RBFOX1: variants seen among roughly 807,000 people sequenced by gnomAD.
RBFOX1 encodes RNA binding fox-1 homolog 1.
RBFOX1 carries 8 observed loss-of-function variants against 57.7 expected under a neutral mutation model. That is an observed-to-expected ratio of 0.14 (90% CI 0.08 to 0.25). The LOEUF (loss-of-function observed/expected upper bound fraction) is 0.25. Ranked by LOEUF, RBFOX1 falls within the 10% of genes least tolerant of loss-of-function variation. The pLI, the probability that RBFOX1 is intolerant of heterozygous loss-of-function variation, is 1.00. For synonymous variants in RBFOX1, 326 were observed against 222.4 expected (o/e 1.47, Z -4.15); for missense variants, 611 against 548.5 (o/e 1.11, Z -1.14).
chr16:5,792,195 A>T (rs146163692), intron 3 of RBFOX1, among the ~76,000 whole-genome samples: 1 of 152,318 alleles, frequency 6.6e-6, no homozygotes, highest in East Asian at 1.9e-4. Context: ...TTTTCAAGTG[A>T]TGTGTGTATG....
chr16:7,326,378 G>A (rs1568221312), intron 4 of RBFOX1, among the ~76,000 whole-genome samples: 1 of 152,146 alleles, frequency 6.6e-6, no homozygotes, highest in African/African-American at 2.4e-5. Context: ...GCTTGTGGAA[G>A]GATGGGATGT....
intron 2 of RBFOX1, among the ~76,000 whole-genome samples, chr16:6,641,574 G>T (rs960935852): frequency 6.6e-6 from 1 of 151,680 alleles, no homozygotes; most frequent in African/African-American, 2.4e-5. Flanking sequence ...GTCTCTACTA[G>T]AAATACAAAA....
At chr16:6,818,771 G>A (rs144749614) in intron 3 of RBFOX1, among the ~76,000 whole-genome samples, 2 of 152,220 alleles carry the variant, frequency 1.3e-5, no homozygotes, top group East Asian at 3.9e-4. Context: ...GAGTGTGATC[G>A]AGGCCTGGCC....
chr16:7,164,827 G>T (rs2079093691), intron 4 of RBFOX1, among the ~76,000 whole-genome samples: 2 of 152,028 alleles, frequency 1.3e-5, no homozygotes, highest in African/African-American at 2.4e-5. Context: ...CATTGCTGTT[G>T]TACTTCTTTG....
intron 4 of RBFOX1, among the ~76,000 whole-genome samples, chr16:7,307,706 A>C (rs547951228): frequency 1.3e-5 from 2 of 152,326 alleles, no homozygotes; most frequent in African/African-American, 4.8e-5. Flanking sequence ...CCAGTGATGT[A>C]CTCACATAGG....
At chr16:6,913,521 A>C (rs1422868377) in intron 3 of RBFOX1, among the ~76,000 whole-genome samples, 1 of 152,082 alleles carries the variant, frequency 6.6e-6, no homozygotes, top group African/African-American at 2.4e-5. Context: ...GCAGTGCCCG[A>C]TGCCCAGCAC....
In RBFOX1 at chr16:7,664,984, C is replaced by G. The variant is rs373105750; in HGVS notation, c.930+16C>G. ...AGACATTTATGTAAGTATTCATTCA[C>G]GTGCATGCCATCCCCGTTTCCTCCT... On this transcript the variant is annotated intron_variant, in intron 13 of 15. Transcript: ENST00000550418. 8.7e-6 allele frequency: 14 copies of G among 1,613,794 alleles called. No homozygotes were observed. In the African/African-American group the frequency reaches 1.7e-4, roughly 20 times the overall value.
intron 4 of RBFOX1, among the ~76,000 whole-genome samples, chr16:7,067,690 C>T (rs1429827594): frequency 8.1e-6 from 1 of 123,504 alleles, no homozygotes. Flanking sequence ...CCCCCGTCCC[C>T]CCACCCCACA....
At chr16:5,962,519 C>T (rs190964830) in intron 4 of RBFOX1, among the ~76,000 whole-genome samples, 105 of 152,262 alleles carry the variant, frequency 6.9e-4, no homozygotes, top group Admixed American at 2.0e-3. Flanking sequence ...TCCTCTCTGG[C>T]CTAAAATGTC....
At chr16:6,377,874 C>G (rs916168677) in intron 2 of RBFOX1, among the ~76,000 whole-genome samples, 3 of 152,258 alleles carry the variant, frequency 2.0e-5, no homozygotes, top group South Asian at 4.1e-4. Context: ...GCTGGCCTCC[C>G]TGCTCCCAGC....
intron 3 of RBFOX1, among the ~76,000 whole-genome samples, chr16:6,809,006 A>T (rs1003673221): frequency 6.6e-6 from 1 of 152,172 alleles, no homozygotes; most frequent in African/African-American, 2.4e-5. Flanking sequence ...CAAGACTGAA[A>T]ACCTGACTTA....
chr16:7,466,093 C>T (rs912660067), intron 4 of RBFOX1, among the ~76,000 whole-genome samples: 1 of 152,150 alleles, frequency 6.6e-6, no homozygotes, highest in Non-Finnish European at 1.5e-5. Flanking sequence ...TTAGCTAGCC[C>T]TGGGGCACAG....
At position 7,583,308 on chromosome 16, in the gene RBFOX1, G is replaced by A. The variant is rs1451734743; in HGVS notation, c.414+3388G>A. Among the ~76,000 whole-genome samples, 7 of 152,224 alleles carry A rather than the reference G, an allele frequency of 4.6e-5. No homozygotes were observed. In the East Asian group the frequency reaches 1.4e-3, roughly 29 times the overall value. On this transcript the variant is annotated intron_variant, in intron 6 of 15. Transcript: ENST00000550418. ...TGGCATTGATATTAAATGGTTCATT[G>A]GAAGGGATGTTAGTTTTATAGGTGG...
At chr16:5,640,403 T>A (rs1308101983) in intron 3 of RBFOX1, among the ~76,000 whole-genome samples, 1 of 151,994 alleles carries the variant, frequency 6.6e-6, no homozygotes, top group Non-Finnish European at 1.5e-5. Flanking sequence ...CATGCACATA[T>A]ACACATGCAC....
At chr16:7,108,429 T>C (rs1288188508) in intron 4 of RBFOX1, among the ~76,000 whole-genome samples, 1 of 152,182 alleles carries the variant, frequency 6.6e-6, no homozygotes, top group Non-Finnish European at 1.5e-5. Context: ...TATTAAACAT[T>C]ACATAGTTTA....
In RBFOX1 at chr16:6,812,472, C is replaced by G. The variant is rs139335983; in HGVS notation, c.-16+157822C>G. On this transcript the variant is annotated intron_variant, in intron 3 of 15. Coordinates refer to ENST00000550418, the MANE Select transcript of RBFOX1 (RefSeq NM_018723.4). ...CATTGCAACCTCCACCTCTAGGGTT[C>G]AAGTGATTCTCTTGCCATAGCCTAC... Among the ~76,000 whole-genome samples, 11 of 152,172 alleles carry G rather than the reference C, an allele frequency of 7.2e-5. 1 individual carries two copies. The highest frequency in any genetic ancestry group is 2.6e-4 in the African/African-American group (11 of 41,528).
intron 2 of RBFOX1, among the ~76,000 whole-genome samples, chr16:6,587,790 T>TTGTGTAG (rs1207999922): frequency 6.6e-6 from 1 of 152,226 alleles, no homozygotes; most frequent in East Asian, 1.9e-4. Flanking sequence ...CATATAACTT[T>TTGTGTAG]TGTGTAGTTT....
At chr16:5,497,825 C>A (rs1395082295) in intron 2 of RBFOX1, among the ~76,000 whole-genome samples, 1 of 151,890 alleles carries the variant, frequency 6.6e-6, no homozygotes, top group Non-Finnish European at 1.5e-5. Flanking sequence ...GATAATTGTC[C>A]CCAAGAATAA....
At chr16:7,419,925 C>CTTTTTTTTTTTTTTTTTTTTTTTT (rs367626244) in intron 4 of RBFOX1, among the ~76,000 whole-genome samples, 1 of 101,732 alleles carries the variant, frequency 9.8e-6, no homozygotes, top group Non-Finnish European at 1.9e-5. Flanking sequence ...TTCTTTCTTC[C>CTTTTTTTTTTTTTTTTTTTTTTTT]TTTTTTTTTT....
Sources: gnomAD v4.1 joint callset for allele counts (sites outside exome capture counted in the v4.1 genomes callset) on GRCh38, gnomAD v4.1.1 for gene constraint, MANE v1.5 for transcripts, NCBI Gene and HGNC (gene_info 2026-07-23, HGNC 2026-07-21) for gene names.